Variants in TCERG1 observed in about 807,000 individuals in gnomAD.
TCERG1 encodes the protein transcription elongation regulator 1.
A neutral mutation model predicts 144.7 loss-of-function variants in TCERG1; 37 were observed. The observed-to-expected ratio is 0.26, with a 90% confidence interval of 0.20 to 0.34. TCERG1 has a LOEUF of 0.34. Among genes scored for constraint, TCERG1 ranks in the 10% least tolerant of loss-of-function variants. The pLI, the probability that TCERG1 is intolerant of heterozygous loss-of-function variation, is 1.00. For missense variants in TCERG1, 1,027 were observed against 1,380.7 expected, an observed-to-expected ratio of 0.74 and a Z score of 4.06; for synonymous variants, 492 against 458.2, an observed-to-expected ratio of 1.07 and a Z score of -0.94.
In TCERG1 at chr5:146,510,426, T is replaced by A. The variant is rs2150958168; in HGVS notation, c.3147-15T>A. 6 of 1,600,476 alleles carry A rather than the reference T, an allele frequency of 3.7e-6. No individual in the cohort carries two copies. In the African/African-American group the frequency reaches 6.7e-5, roughly 18 times the overall value. On this transcript the variant is annotated splice_polypyrimidine_tract_variant and intron_variant, in intron 22 of 22. Coordinates refer to ENST00000679501, the MANE Select transcript of TCERG1 (RefSeq NM_001382548.1). Reference sequence around the variant, plus strand: ...CAGCAGTCAGTAATTCTTGGACTTCTTTTTCTTATTTCAGATCCAAAAAAT... The same window carrying A: ...CAGCAGTCAGTAATTCTTGGACTTCATTTTCTTATTTCAGATCCAAAAAAT...
At chr5:146,472,086 T>C (rs1308127444) in intron 9 of TCERG1, among the ~76,000 whole-genome samples, 1 of 152,236 alleles carries the variant, frequency 6.6e-6, no homozygotes, top group African/African-American at 2.4e-5. Flanking sequence ...TCTCCATTAA[T>C]GTGTATTCTT....
chr5:146,457,449 C>G, intron 3 of TCERG1, 114 bp downstream of exon 3: 1 of 1,065,258 alleles, frequency 9.4e-7, no homozygotes. Context: ...CCTGGGTGAG[C>G]AGGGAATGGG....
In TCERG1 at chr5:146,479,477, A is replaced by G. The variant is rs140937694; in HGVS notation, c.1763-378A>G. On this transcript the variant is annotated intron_variant, in intron 10 of 22. Transcript: ENST00000679501. The stretch of plus-strand genomic sequence containing the variant: ...ATAGGTATGATAATAATACTTTATA[A>G]CTATGGTATTGAATGATGTTGAAAC... 1.3e-3 allele frequency among the ~76,000 whole-genome samples: 198 copies of G among 152,258 alleles called. 1 individual carries two copies. The highest frequency in any genetic ancestry group is 4.5e-3 in the African/African-American group (188 of 41,552).
chr5:146,455,068 G>T lies in TCERG1; in HGVS notation c.72G>T (p.Gln24His). The stretch of plus-strand genomic sequence containing the variant: ...CTTTCCCATGCAGGATGGCCCAACA[G>T]CAGGCCTTGAGGTTCCGAGGTCCGG... The part of the protein sequence containing the change: ...FNPGELRMAQ[Q>H]QALRFRGPAP... The change falls in exon 2 of 23, where the codon CAG (glutamine) becomes CAT (histidine). Residue 24 changes from glutamine to histidine, a missense_variant. Around this residue, in one of 6 missense-constraint regions of TCERG1, gnomAD observed 175 missense variants for 197.0 expected, o/e 0.89. Transcript: ENST00000679501. 1.2e-6 allele frequency: 2 copies of T among 1,614,240 alleles called. No individual in the cohort carries two copies. The highest frequency in any genetic ancestry group is 8.5e-7 in the Non-Finnish European group (1 of 1,180,036).
chr5:146,487,727 G>A (rs1473884051), intron 15 of TCERG1, among the ~76,000 whole-genome samples: 1 of 114,464 alleles, frequency 8.7e-6, no homozygotes, highest in Non-Finnish European at 1.7e-5. Flanking sequence ...ACAAGACCCT[G>A]TTTCAAAAAA....
chr5:146,463,473 G>A, intron 4 of TCERG1, 78 bp from the exon 5 acceptor site: 2 of 1,581,728 alleles, frequency 1.3e-6, no homozygotes, highest in Non-Finnish European at 1.7e-6. Flanking sequence ...TTAAATTACT[G>A]AATGTGTAAA....
At chr5:146,476,417 A>G (rs978958344) in intron 9 of TCERG1, among the ~76,000 whole-genome samples, 6 of 152,224 alleles carry the variant, frequency 3.9e-5, no homozygotes, top group Non-Finnish European at 8.8e-5. Flanking sequence ...CACTAACAAT[A>G]TAATTACTGA....
chr5:146,460,608 A>G (rs1039786960), intron 4 of TCERG1, among the ~76,000 whole-genome samples: 1 of 152,072 alleles, frequency 6.6e-6, no homozygotes, highest in Non-Finnish European at 1.5e-5. Context: ...AATACGTATA[A>G]GAGAGAAATT....
chr5:146,483,686 A>C (rs1006316937), intron 15 of TCERG1, 57 bp downstream of exon 15: 3 of 1,286,260 alleles, frequency 2.3e-6, no homozygotes, highest in African/African-American at 1.5e-5. Context: ...ATAGTTTTTA[A>C]ATTATAAGGA....
chr5:146,470,042 T>G (rs981635548), intron 7 of TCERG1, among the ~76,000 whole-genome samples: 3 of 152,198 alleles, frequency 2.0e-5, no homozygotes, highest in Admixed American at 1.3e-4. Context: ...TAATCATCAT[T>G]GAGATTGATA....
chr5:146,479,138 A>C (rs746242932), intron 10 of TCERG1, among the ~76,000 whole-genome samples: 3 of 152,174 alleles, frequency 2.0e-5, no homozygotes, highest in Non-Finnish European at 4.4e-5. Flanking sequence ...TCTATCTCAT[A>C]TTCAGAGGGC....
intron 15 of TCERG1, among the ~76,000 whole-genome samples, chr5:146,486,303 A>C (rs1256373851): frequency 6.6e-6 from 1 of 152,182 alleles, no homozygotes; most frequent in East Asian, 1.9e-4. Flanking sequence ...ATTCGTGTAC[A>C]TTCTGTATCA....
intron 15 of TCERG1, among the ~76,000 whole-genome samples, chr5:146,488,666 G>C (rs949861300): frequency 6.6e-6 from 1 of 152,114 alleles, no homozygotes; most frequent in Non-Finnish European, 1.5e-5. Flanking sequence ...ACAGTATGGA[G>C]GTTCCTCGAA....
chr5:146,505,126 G>T (rs886291134), intron 19 of TCERG1, among the ~76,000 whole-genome samples: 1 of 150,044 alleles, frequency 6.7e-6, no homozygotes, highest in Non-Finnish European at 1.5e-5. Context: ...ATCTCATAAT[G>T]TTTTAAGAAA....
intron 1 of TCERG1, 66 bp downstream of exon 1, chr5:146,447,474 G>A (rs1761959054): frequency 3.9e-6 from 6 of 1,556,088 alleles, no homozygotes; most frequent in Non-Finnish European, 1.7e-6. Flanking sequence ...CGCTAGACCT[G>A]CCATGTGGAG....
At position 146,507,180 on chromosome 5, in the gene TCERG1, T is replaced by C; in HGVS notation, c.2934T>C (p.Phe978=). 6.2e-7 allele frequency: 1 copy of C among 1,603,664 alleles called. No individual in the cohort carries two copies. The highest frequency in any genetic ancestry group is 8.5e-7 in the Non-Finnish European group (1 of 1,177,298). ...TTACCAAAAAAAAGAGAGAGCACTTTAGGCAACTTCTGGATGAAACTTCTG... is the reference window on the plus strand; with the variant it reads ...TTACCAAAAAAAAGAGAGAGCACTTCAGGCAACTTCTGGATGAAACTTCTG... ...EALTKKKREH[F]RQLLDETSAI... Residue 978 remains phenylalanine (F), a synonymous_variant, in exon 20 of 23, where the codon TTT becomes TTC. Coordinates refer to ENST00000679501, the MANE Select transcript of TCERG1 (RefSeq NM_001382548.1). The surrounding 1 kb of genome is among the most constrained non-coding windows in gnomAD (Gnocchi z 4.6).
At chr5:146,463,901 T>G in intron 5 of TCERG1, 108 bp downstream of exon 5, 4 of 1,470,224 alleles carry the variant, frequency 2.7e-6, no homozygotes, top group Admixed American at 4.0e-5. Context: ...CTCACCTGTT[T>G]GAAACGTTTT....
chr5:146,452,308 T>TA (rs398109515), intron 1 of TCERG1, among the ~76,000 whole-genome samples: 3 of 152,074 alleles, frequency 2.0e-5, no homozygotes, highest in Admixed American at 6.5e-5. Context: ...GTAGGTTTTT[T>TA]ATGTATAATG....
intron 19 of TCERG1, chr5:146,504,229 T>G (rs1393126136): frequency 2.7e-6 from 1 of 376,116 alleles, no homozygotes; most frequent in East Asian, 4.0e-5. Context: ...ATATGGAAAG[T>G]CATAATCATT....
Sources: gnomAD v4.1 joint callset for allele counts (sites outside exome capture counted in the v4.1 genomes callset) on GRCh38, gnomAD v4.1.1 for gene constraint, gnomAD v4.1.1 regional missense constraint, Gnocchi (gnomAD v3.1) non-coding constraint, MANE v1.5 for transcripts, NCBI Gene and HGNC (gene_info 2026-07-23, HGNC 2026-07-21) for gene names.